C16orf89: variants seen among roughly 807,000 people sequenced by gnomAD.
C16orf89 encodes the protein chromosome 16 open reading frame 89.
A neutral mutation model predicts 41.5 loss-of-function variants in C16orf89; 57 were observed. The observed-to-expected ratio is 1.38, with a 90% CI of 1.11 to 1.71. The LOEUF (loss-of-function observed/expected upper bound fraction) is 1.71. C16orf89 is among the 40% of genes most tolerant of loss of function. C16orf89 has a pLI of 0.00. For synonymous variants in C16orf89, 223 were observed against 190.6 expected (o/e 1.17, Z -1.40); for missense variants, 575 against 445.9 (o/e 1.29, Z -2.61).
At chr16:5,057,353 G>C (rs904798594) in intron 4 of C16orf89, among the ~76,000 whole-genome samples, 1 of 145,404 alleles carries the variant, frequency 6.9e-6, no homozygotes, top group Admixed American at 7.0e-5. Context: ...GGTATATATA[G>C]TGATTATATA....
intron 2 of C16orf89, 89 bp from the exon 3 acceptor site, chr16:5,060,525 C>T: frequency 1.5e-6 from 2 of 1,364,838 alleles, no homozygotes; most frequent in East Asian, 2.5e-5. Context: ...CTCCTGCAGC[C>T]CTGCCCACTG....
chr16:5,064,399 G>A (rs951663214), intron 1 of C16orf89, among the ~76,000 whole-genome samples: 1 of 152,178 alleles, frequency 6.6e-6, no homozygotes, highest in Non-Finnish European at 1.5e-5. Flanking sequence ...AACAGTAATG[G>A]CTGACAAGTA....
At chr16:5,063,684 C>A (rs943082912) in intron 1 of C16orf89, among the ~76,000 whole-genome samples, 7 of 152,170 alleles carry the variant, frequency 4.6e-5, no homozygotes, top group Non-Finnish European at 8.8e-5. Context: ...GCTGCACACA[C>A]CTTATGAGGA....
At chr16:5,042,873 C>G (rs928381182), downstream of C16orf89, 2 of 152,248 alleles carry the variant, frequency 1.3e-5, no homozygotes, top group Admixed American at 1.3e-4. The surrounding 1 kb of genome is among the most constrained non-coding windows in gnomAD (Gnocchi z 4.2). Context: ...GAGCTGTAAG[C>G]TGGGAACCAG....
At chr16:5,062,692 T>G (rs181712474) in intron 1 of C16orf89, 118 bp from the exon 2 acceptor site, 2 of 1,154,260 alleles carry the variant, frequency 1.7e-6, no homozygotes, top group East Asian at 2.6e-5. Flanking sequence ...CTCTGCCTTC[T>G]CCAGCACTCA....
chr16:5,051,835 G>A (rs1956402004), intron 6 of C16orf89, among the ~76,000 whole-genome samples: 1 of 152,106 alleles, frequency 6.6e-6, no homozygotes, highest in Non-Finnish European at 1.5e-5. Context: ...TGCGGTGGCT[G>A]ACGCCTATAA....
chr16:5,064,635 C>T (rs998213674), intron 1 of C16orf89, among the ~76,000 whole-genome samples: 5 of 152,228 alleles, frequency 3.3e-5, no homozygotes, highest in African/African-American at 1.2e-4. Flanking sequence ...CCTTTGCTCC[C>T]TTCTGGGCAC....
chr16:5,044,229 C>T lies in C16orf89; in HGVS notation c.*119G>A. 2 of 1,437,002 alleles carry T rather than the reference C, an allele frequency of 1.4e-6. No homozygotes were observed. The highest frequency in any genetic ancestry group is 1.8e-6 in the Non-Finnish European group (2 of 1,100,908). The allele number at this position is 1,437,002 out of a possible 1,614,324, so 89.0% of individuals were successfully genotyped here. ...CTTCCAAGATTGGGTGTCGGGGTGG[C>T]TTTGCTTATCCTCCAGATGCCTTCT... On this transcript the variant is annotated 3_prime_UTR_variant, in exon 8 of 8. Coordinates refer to ENST00000472572, the MANE Select transcript of C16orf89 (RefSeq NM_001098514.3).
rs67476932 is a variant in C16orf89 at position 5,061,501 on chromosome 16, A to AAAAAAAG, written c.358+923_358+924insCTTTTTT. ...CACTGTCTCAAAAAAAAAAAAAAAAAAAACCCCCCCAAAAAAAAAAACAAG... is the reference window on the plus strand; with the variant it reads ...CACTGTCTCAAAAAAAAAAAAAAAAAAAAAAAGAAACCCCCCCAAAAAAAAAAACAAG... On this transcript the variant is annotated intron_variant, in intron 2 of 7. Coordinates refer to ENST00000472572, the MANE Select transcript of C16orf89 (RefSeq NM_001098514.3). Among the ~76,000 whole-genome samples, 190 of 88,916 alleles carry AAAAAAAG rather than the reference A, an allele frequency of 2.1e-3. 13 individuals are homozygous for AAAAAAAG. The highest frequency in any genetic ancestry group is 0.012 in the East Asian group (29 of 2,464). The allele number at this position is 88,916 out of a possible 152,430, so 58.3% of individuals were successfully genotyped here.
chr16:5,053,818 A>C (rs1956440655), intron 6 of C16orf89, among the ~76,000 whole-genome samples: 1 of 152,196 alleles, frequency 6.6e-6, no homozygotes, highest in Non-Finnish European at 1.5e-5. Context: ...AAGTGGTGGG[A>C]TTATAAGGCG....
rs767268201 is a variant in C16orf89, at chr16:5,065,870, T to C, written c.39A>G (p.Thr13=). ...AGGAGGACCACAGCGGTGGCAGTGC[T>C]GTCAGTAAGAGCAGGAGCAGCAGCC... ...SLGLLLLLLL[T]ALPPLWSSSL... The change falls in exon 1 of 8, where the codon ACA becomes ACG. Residue 13 remains threonine, a synonymous_variant. Coordinates refer to ENST00000472572, the MANE Select transcript of C16orf89 (RefSeq NM_001098514.3). The C allele has an allele frequency of 8.7e-6, 14 of 1,614,192 alleles. No individual in the cohort carries two copies. In the South Asian group the frequency reaches 1.4e-4, roughly 16 times the overall value.
At chr16:5,050,236 C>A (rs913603348) in intron 6 of C16orf89, among the ~76,000 whole-genome samples, 1 of 151,926 alleles carries the variant, frequency 6.6e-6, no homozygotes, top group Non-Finnish European at 1.5e-5. Context: ...GGCATGGTGG[C>A]GGGCGCCTGT....
chr16:5,060,122 C>G lies in C16orf89; in HGVS notation c.509+164G>C, dbSNP rs1216467800. 5 of 809,836 alleles carry G rather than the reference C, an allele frequency of 6.2e-6. No individual in the cohort carries two copies. The East Asian group carries it at 1.6e-4, about 25-fold the overall frequency. 50.2% of individuals were successfully genotyped at this position (809,836 alleles called of 1,614,324 possible). A position where few individuals can be genotyped will look rare whatever the true frequency, so the allele number is the denominator to read the frequency against. On this transcript the variant is annotated intron_variant, in intron 3 of 7. Coordinates refer to ENST00000472572, the MANE Select transcript of C16orf89 (RefSeq NM_001098514.3). ...GGCGGCTGGAGCAAGGGGGACCCTG[C>G]TGGAGTAGGAGAGGGCAGTACCCGG... is the stretch of plus-strand genomic sequence containing the variant.
Position 5,062,455 on chromosome 16 carries a change from G to GGTA in C16orf89, c.325_327dup (p.Tyr109dup), listed in dbSNP as rs1193288659. 1 of 1,614,044 alleles carries GGTA rather than the reference G, an allele frequency of 6.2e-7. No individual in the cohort carries two copies. Among genetic ancestry groups the GGTA allele is most frequent in the Non-Finnish European group, 8.5e-7 (1 of 1,179,970 alleles). ...AGGTACTTGGGATCACTCAGCTTGA[G>GGTA]GTAGTGGAGGGATCTCTGGATGGCA... On this transcript the variant is annotated inframe_insertion, in exon 2 of 8. Transcript: ENST00000472572.
chr16:5,044,115 C>T, downstream of C16orf89: 1 of 1,240,536 alleles, frequency 8.1e-7, no homozygotes, highest in Non-Finnish European at 1.0e-6. Context: ...CAAGACTCAA[C>T]CCTGGGTCAG....
At chr16:5,055,571 G>T in intron 5 of C16orf89, 1 of 1,196,874 alleles carries the variant, frequency 8.4e-7, no homozygotes, top group Non-Finnish European at 1.2e-6. Context: ...CTTGGTCAGG[G>T]CTGCTCCAAA....
At chr16:5,047,404 T>A (rs1250841779) in intron 7 of C16orf89, among the ~76,000 whole-genome samples, 1 of 152,130 alleles carries the variant, frequency 6.6e-6, no homozygotes, top group Non-Finnish European at 1.5e-5. Context: ...TTTTAACAAC[T>A]GAAACTTCTC....
intron 5 of C16orf89, 166 bp from the exon 6 acceptor site, chr16:5,055,516 C>A: frequency 1.0e-6 from 1 of 959,218 alleles, no homozygotes. Context: ...CTTTGCCTGA[C>A]CAACTAGGGG....
chr16:5,043,948 G>T, downstream of C16orf89: 1 of 198,026 alleles, frequency 5.0e-6, no homozygotes, highest in Non-Finnish European at 9.0e-6. Context: ...GAGCCCAGGA[G>T]TTTGAGGCTG....
Sources: allele counts gnomAD v4.1 joint callset (sites outside exome capture counted in the v4.1 genomes callset), GRCh38; gene constraint gnomAD v4.1.1; non-coding constraint Gnocchi (gnomAD v3.1); transcripts MANE v1.5; gene names NCBI Gene and HGNC (gene_info 2026-07-23, HGNC 2026-07-21).